APLP2: variants seen among roughly 807,000 people sequenced by gnomAD.
APLP2 encodes the protein CDEI box-binding protein.
A neutral mutation model predicts 89.9 loss-of-function variants in APLP2; 53 were observed. The observed-to-expected ratio is 0.59, with a 90% CI of 0.47 to 0.74. APLP2 has a LOEUF of 0.74. Among genes scored for constraint, APLP2 ranks in the 30% least tolerant of loss-of-function variants. The pLI, the probability that APLP2 is intolerant of heterozygous loss-of-function variation, is 0.00. For synonymous variants in APLP2, 372 were observed against 348.6 expected, an observed-to-expected ratio of 1.07 and a Z score of -0.75; for missense variants, 973 against 975.9, an observed-to-expected ratio of 1.00 and a Z score of 0.04.
chr11:130,111,138 A>G (rs1419545267), intron 3 of APLP2, among the ~76,000 whole-genome samples: 2 of 152,150 alleles, frequency 1.3e-5, no homozygotes, highest in Non-Finnish European at 2.9e-5. Flanking sequence ...CAGGGCTTAT[A>G]GGACCTGCCA....
intron 1 of APLP2, among the ~76,000 whole-genome samples, chr11:130,072,720 A>G (rs11820054): frequency 0.11 from 17,391 of 152,124 alleles, 1,315 homozygotes; most frequent in East Asian, 0.25. Flanking sequence ...CAGGTGATCC[A>G]CCTGCCTCGG....
chr11:130,137,404 C>A, intron 13 of APLP2: 1 of 1,011,912 alleles, frequency 9.9e-7, no homozygotes. Flanking sequence ...CACCTCATTC[C>A]TTCTGACACG....
chr11:130,143,475 G>A lies in APLP2; in HGVS notation c.*27G>A, dbSNP rs1241435869. 1.1e-5 allele frequency: 18 copies of A among 1,579,744 alleles called. No homozygotes were observed. Among genetic ancestry groups the A allele is most frequent in the East Asian group, 6.7e-5 (3 of 44,726 alleles). ...TGGCAGGGAGCGCGGCAGCCCTGGC[G>A]GAGGGATGCAGGTGGGCCGGAAGAT... On this transcript the variant is annotated 3_prime_UTR_variant, in exon 17 of 17. Coordinates refer to ENST00000338167, the MANE Select transcript of APLP2 (RefSeq NM_001142276.2).
At chr11:130,093,522 A>G (rs1945738362) in intron 1 of APLP2, among the ~76,000 whole-genome samples, 1 of 152,232 alleles carries the variant, frequency 6.6e-6, no homozygotes, top group Admixed American at 6.5e-5. Flanking sequence ...GAGAAAACAA[A>G]AAGAAACTAG....
Position 130,118,033 on chromosome 11 carries a change from C to T in APLP2, c.404-2673C>T, listed in dbSNP as rs543493438. Among the ~76,000 whole-genome samples, 234 of 150,200 alleles carry T rather than the reference C, an allele frequency of 1.6e-3. 1 individual carries two copies. The highest frequency in any genetic ancestry group is 3.4e-3 in the Middle Eastern group (1 of 292). On this transcript the variant is annotated intron_variant, in intron 3 of 16. Coordinates refer to ENST00000338167, the MANE Select transcript of APLP2 (RefSeq NM_001142276.2). ...CAGAGTTTGTAGTGAGCTGAGATTG[C>T]GCCACTGCACTCCAGCCTGGGCAGC...
intron 5 of APLP2, 62 bp downstream of exon 5, chr11:130,121,872 C>T (rs753252729): frequency 7.2e-5 from 112 of 1,565,820 alleles, no homozygotes; most frequent in African/African-American, 3.8e-4. Flanking sequence ...TCTGTAAAGA[C>T]GGCTGTTGGC....
chr11:130,118,973 T>G (rs1408415671), intron 3 of APLP2, among the ~76,000 whole-genome samples: 1 of 152,228 alleles, frequency 6.6e-6, no homozygotes, highest in Non-Finnish European at 1.5e-5. Context: ...GGAGCCCATC[T>G]TCCCCTACTT....
intron 1 of APLP2, among the ~76,000 whole-genome samples, chr11:130,088,020 C>A (rs908417359): frequency 2.0e-5 from 3 of 152,180 alleles, no homozygotes; most frequent in Admixed American, 6.5e-5. Flanking sequence ...CAGACTCAAG[C>A]CTGATAAGCT....
At chr11:130,095,979 A>G (rs58152348) in intron 1 of APLP2, among the ~76,000 whole-genome samples, 16,778 of 152,222 alleles carry the variant, frequency 0.11, 1,177 homozygotes, top group East Asian at 0.24. Flanking sequence ...GTGATGGGAG[A>G]TGGACACTGC....
chr11:130,070,644 A>G (rs1203148207), intron 1 of APLP2: 3 of 1,465,292 alleles, frequency 2.0e-6, no homozygotes, highest in Non-Finnish European at 2.7e-6. Context: ...CTCCCGCGCC[A>G]GGCCGCCCGC....
intron 1 of APLP2, among the ~76,000 whole-genome samples, chr11:130,105,005 A>G (rs923330217): frequency 6.6e-6 from 1 of 152,262 alleles, no homozygotes; most frequent in Admixed American, 6.5e-5. Context: ...GAAAAAGACC[A>G]TAATATATTT....
intron 1 of APLP2, chr11:130,102,078 G>A: frequency 4.8e-6 from 2 of 413,998 alleles, no homozygotes; most frequent in Non-Finnish European, 9.5e-6. Context: ...GAGATACCTT[G>A]AAAGGATACT....
At chr11:130,142,730 C>T (rs1403293113) in intron 16 of APLP2, among the ~76,000 whole-genome samples, 3 of 152,178 alleles carry the variant, frequency 2.0e-5, no homozygotes, top group African/African-American at 7.2e-5. Flanking sequence ...TCTTGTGCCT[C>T]AGCCTCCCAC....
chr11:130,122,464 C>T lies in APLP2; in HGVS notation c.873C>T (p.Pro291=), dbSNP rs758961470. Residue 291 remains proline (P), a synonymous_variant, in exon 6 of 17, where the codon CCC becomes CCT. Transcript: ENST00000338167. ...ACAATGAGGAGAATCCTACTGAACC[C>T]GGCAGCGACGGCACCATGTCAGACA... ...DDYNEENPTE[P]GSDGTMSDKE... is the part of the protein sequence containing the mutation. The T allele has an allele frequency of 8.7e-6, 14 of 1,614,082 alleles. No homozygotes were observed. Among genetic ancestry groups the T allele is most frequent in the South Asian group, 6.6e-5 (6 of 91,076 alleles).
chr11:130,130,844 G>T (rs1159919711), intron 11 of APLP2, among the ~76,000 whole-genome samples: 1 of 152,174 alleles, frequency 6.6e-6, no homozygotes, highest in Non-Finnish European at 1.5e-5. Flanking sequence ...TACTGCACGG[G>T]TGCTGGCCTG....
Position 130,088,645 on chromosome 11 carries a change from G to A in APLP2, c.105+18563G>A, listed in dbSNP as rs550725832. ...ATGAAGAAAACACTCCAGAATGACC[G>A]AGATACTTAAGTTTTTAACAACATT... On this transcript the variant is annotated intron_variant, in intron 1 of 16. Coordinates refer to ENST00000338167, the MANE Select transcript of APLP2 (RefSeq NM_001142276.2). Among the ~76,000 whole-genome samples, 6 of 151,852 alleles carry A rather than the reference G, an allele frequency of 4.0e-5. No individual in the cohort carries two copies. The East Asian group carries it at 1.2e-3, about 30-fold the overall frequency.
intron 13 of APLP2, chr11:130,139,728 C>A (rs1457947612): frequency 6.6e-6 from 1 of 152,160 alleles, no homozygotes. Context: ...TAGAATGCTT[C>A]CTATAGGTGG....
chr11:130,091,427 C>A (rs1439727098), intron 1 of APLP2, among the ~76,000 whole-genome samples: 1 of 140,630 alleles, frequency 7.1e-6, no homozygotes, highest in African/African-American at 2.8e-5. Context: ...CTCCTCACTT[C>A]CCAGTAGGGG....
chr11:130,092,771 A>G (rs2135567011), intron 1 of APLP2, among the ~76,000 whole-genome samples: 1 of 151,992 alleles, frequency 6.6e-6, no homozygotes, highest in East Asian at 2.0e-4. Flanking sequence ...AGTTTGCAAT[A>G]CAGTTAACGT....
Sources: gnomAD v4.1 joint callset for allele counts (sites outside exome capture counted in the v4.1 genomes callset) on GRCh38, gnomAD v4.1.1 for gene constraint, MANE v1.5 for transcripts, NCBI Gene and HGNC (gene_info 2026-07-23, HGNC 2026-07-21) for gene names.